Variants in CADPS2 observed in about 807,000 individuals in gnomAD.
CADPS2 encodes calcium dependent secretion activator 2.
In CADPS2, 93 loss-of-function variants were observed where a neutral mutation model predicts 172.5. The observed-to-expected ratio is 0.54, with a 90% CI of 0.46 to 0.64. The LOEUF is 0.64. Ranked by LOEUF, CADPS2 falls within the 30% of genes least tolerant of loss-of-function variation. CADPS2 has a pLI of 0.00. For synonymous variants in CADPS2, 546 were observed against 555.2 expected (o/e 0.98, Z 0.23); for missense variants, 1,420 against 1,565.9 (o/e 0.91, Z 1.57).
chr7:122,718,606 T>C (rs569569726), intron 2 of CADPS2, among the ~76,000 whole-genome samples: 2 of 152,126 alleles, frequency 1.3e-5, no homozygotes, highest in East Asian at 3.9e-4. Flanking sequence ...GTCTAGTGAG[T>C]GTAACAAAGC....
At chr7:122,341,061 G>A (rs1358991451) in intron 28 of CADPS2, among the ~76,000 whole-genome samples, 1 of 152,194 alleles carries the variant, frequency 6.6e-6, no homozygotes, top group Non-Finnish European at 1.5e-5. Context: ...CACGTGAGAG[G>A]CAGAGATATC....
chr7:122,746,620 AACACACAGACACAC>A (rs1011503835), intron 1 of CADPS2, among the ~76,000 whole-genome samples: 34 of 112,260 alleles, frequency 3.0e-4, no homozygotes, highest in South Asian at 2.1e-3. Flanking sequence ...GATGAGCTAA[AACACACAGACACAC>A]ACACACAGAC....
At chr7:122,704,554 T>C (rs909384833) in intron 2 of CADPS2, among the ~76,000 whole-genome samples, 2 of 152,050 alleles carry the variant, frequency 1.3e-5, no homozygotes, top group African/African-American at 4.8e-5. Flanking sequence ...GTGGGTGAAG[T>C]GTTTAACCTG....
intron 3 of CADPS2, among the ~76,000 whole-genome samples, chr7:122,629,908 A>C (rs1465573539): frequency 6.6e-6 from 1 of 152,088 alleles, no homozygotes. Context: ...TCTAAATTTG[A>C]CTGAAAACAA....
intron 2 of CADPS2, among the ~76,000 whole-genome samples, chr7:122,718,790 CTCTAA>C (rs1308784164): frequency 6.6e-6 from 1 of 152,104 alleles, no homozygotes; most frequent in Non-Finnish European, 1.5e-5. Context: ...GAGCTCAAGA[CTCTAA>C]TCATAAGCTG....
At chr7:122,837,251 C>A (rs1473930453) in intron 1 of CADPS2, among the ~76,000 whole-genome samples, 1 of 152,108 alleles carries the variant, frequency 6.6e-6, no homozygotes, top group Non-Finnish European at 1.5e-5. Context: ...ACACAACACA[C>A]CAGAATCTCT....
intron 2 of CADPS2, among the ~76,000 whole-genome samples, chr7:122,729,581 T>G (rs1231714782): frequency 6.6e-6 from 1 of 151,910 alleles, no homozygotes; most frequent in South Asian, 2.1e-4. Context: ...TGGGATGATA[T>G]TTCATTGTGG....
chr7:122,447,506 C>G (rs2052413322), intron 15 of CADPS2, among the ~76,000 whole-genome samples: 1 of 145,342 alleles, frequency 6.9e-6, no homozygotes, highest in Non-Finnish European at 1.5e-5. Flanking sequence ...TCTAGGGACA[C>G]CTTTCTCTCT....
rs369463911 is a variant in CADPS2, at chr7:122,360,944, T to G, written c.3457A>C (p.Ile1153Leu). ...RYDEGTFFSSILSFTVKAAAK... is the reference protein window; with the variant it reads ...RYDEGTFFSSLLSFTVKAAAK... ...CAAATACTTACAGTGAATGACAGAA[T>G]GGATGAAAAGAAAGTGCCTTCATCA... The change falls in exon 26 of 30, where the codon ATT (isoleucine) becomes CTT (leucine). Residue 1153 changes from isoleucine to leucine, a missense_variant. By Grantham distance (5) the Ile-to-Leu change is conservative (BLOSUM62 2). Transcript: ENST00000449022. 6.2e-6 allele frequency: 10 copies of G among 1,613,524 alleles called. No homozygotes were observed. The African/African-American group carries it at 1.3e-4, about 22-fold the overall frequency.
At position 122,486,165 on chromosome 7, in the gene CADPS2, G is replaced by A. The variant is rs561193555; in HGVS notation, c.1852+3916C>T. Among the ~76,000 whole-genome samples the A allele has an allele frequency of 1.4e-3, 214 of 152,156 alleles. 1 individual carries two copies. The highest frequency in any genetic ancestry group is 5.0e-3 in the African/African-American group (209 of 41,522). On this transcript the variant is annotated intron_variant, in intron 11 of 29. Transcript: ENST00000449022. ...TCCATTCTGCAGCCCACAGATCAAG[G>A]AGTAATTTCAACTTTCAAGTCTTAT...
At chr7:122,514,487 C>T (rs1322607299) in intron 8 of CADPS2, among the ~76,000 whole-genome samples, 1 of 151,938 alleles carries the variant, frequency 6.6e-6, no homozygotes, top group Non-Finnish European at 1.5e-5. Context: ...TGCCCCCCTC[C>T]CCCCTTTAGA....
chr7:122,811,167 A>T (rs1307485530), intron 1 of CADPS2, among the ~76,000 whole-genome samples: 1 of 152,222 alleles, frequency 6.6e-6, no homozygotes, highest in Non-Finnish European at 1.5e-5. Flanking sequence ...GTCCACAGGC[A>T]ATGTGCTACC....
intron 28 of CADPS2, among the ~76,000 whole-genome samples, chr7:122,328,132 G>C (rs372593185): frequency 2.1e-5 from 3 of 145,578 alleles, no homozygotes; most frequent in Admixed American, 6.9e-5. Context: ...GTAAAATGCA[G>C]ACACACACAC....
chr7:122,677,267 G>C (rs1009668592), intron 2 of CADPS2, among the ~76,000 whole-genome samples: 5 of 152,202 alleles, frequency 3.3e-5, no homozygotes, highest in African/African-American at 1.2e-4. Flanking sequence ...GGAGGTCATG[G>C]TGGCTTCCCT....
intron 17 of CADPS2, among the ~76,000 whole-genome samples, chr7:122,431,818 G>A (rs1001029554): frequency 3.3e-5 from 5 of 150,122 alleles, no homozygotes; most frequent in Non-Finnish European, 4.4e-5. Context: ...GTGAAACCCC[G>A]GCTCTACTAA....
chr7:122,712,332 T>C (rs1467050142), intron 2 of CADPS2, among the ~76,000 whole-genome samples: 1 of 152,172 alleles, frequency 6.6e-6, no homozygotes. Flanking sequence ...GGACCTGCCA[T>C]GCCTTAGTTG....
intron 1 of CADPS2, among the ~76,000 whole-genome samples, chr7:122,819,933 A>G (rs1479720931): frequency 6.6e-6 from 1 of 152,126 alleles, no homozygotes; most frequent in East Asian, 1.9e-4. Context: ...GCATGCTTTA[A>G]AAAGATTAAA....
chr7:122,592,536 C>T (rs948719337), intron 6 of CADPS2, among the ~76,000 whole-genome samples: 17 of 152,238 alleles, frequency 1.1e-4, no homozygotes, highest in African/African-American at 4.1e-4. Context: ...GACACATGCA[C>T]ACGTATGTTT....
intron 1 of CADPS2, among the ~76,000 whole-genome samples, chr7:122,882,617 C>CTTTTTTTTTTT (rs35781696): frequency 7.3e-6 from 1 of 136,866 alleles, no homozygotes; most frequent in Non-Finnish European, 1.6e-5. Context: ...CCAAGGAACC[C>CTTTTTTTTTTT]TTTTTTTTTT....
Sources: gnomAD v4.1 joint callset for allele counts (sites outside exome capture counted in the v4.1 genomes callset) on GRCh38, gnomAD v4.1.1 for gene constraint, MANE v1.5 for transcripts, NCBI Gene and HGNC (gene_info 2026-07-23, HGNC 2026-07-21) for gene names.